The following PCDHGA6 variants were observed in gnomAD, a reference collection of about 807,000 sequenced individuals.
The protein encoded by PCDHGA6 is protocadherin gamma-A6.
PCDHGA6 carries 41 observed loss-of-function variants against 60.6 expected under a neutral mutation model. The ratio of observed to expected loss-of-function variants is 0.68; its 90% confidence interval spans 0.53 to 0.88. The LOEUF (loss-of-function observed/expected upper bound fraction) is 0.88. Ranked by LOEUF, PCDHGA6 falls within the 40% of genes least tolerant of loss-of-function variation. PCDHGA6 has a pLI of 0.00. For missense variants in PCDHGA6, 1,312 were observed against 1,203.0 expected, an observed-to-expected ratio of 1.09 and a Z score of -1.34; for synonymous variants, 594 against 524.4, an observed-to-expected ratio of 1.13 and a Z score of -1.81.
intron 1 of PCDHGA6, chr5:141,413,946 G>A: frequency 6.2e-7 from 1 of 1,613,414 alleles, no homozygotes; most frequent in Non-Finnish European, 8.5e-7. Flanking sequence ...GTGTTCCTGA[G>A]AATTTGCCTG....
Position 141,376,418 on chromosome 5 carries a change from C to G in PCDHGA6, c.2335C>G (p.Leu779Val), listed in dbSNP as rs1354597104. 1 of 1,614,230 alleles carries G rather than the reference C, an allele frequency of 6.2e-7. No homozygotes were observed. The highest frequency in any genetic ancestry group is 1.7e-5 in the Admixed American group (1 of 60,028). The change falls in exon 1 of 4, where the codon CTT becomes GTT. Residue 779 changes from leucine to valine, a missense_variant. By Grantham distance (32) the Leu-to-Val change is conservative (BLOSUM62 1). Transcript: ENST00000517434. ...CCCCCAGCCCAACTATGCCGACACGCTTATCAACCAGGAGAGCTATGAGAA... is the reference window on the plus strand; with the variant it reads ...CCCCCAGCCCAACTATGCCGACACGGTTATCAACCAGGAGAGCTATGAGAA... Reference protein sequence around the residue: ...IFPQPNYADTLINQESYEKSE... With the variant: ...IFPQPNYADTVINQESYEKSE...
intron 1 of PCDHGA6, chr5:141,419,630 G>A (rs1484627772): frequency 6.2e-7 from 1 of 1,612,430 alleles, no homozygotes; most frequent in South Asian, 1.1e-5. Context: ...GGTGACCAAG[G>A]TGGTGGCCGT....
chr5:141,389,749 G>C (rs1361443182), intron 1 of PCDHGA6: 1 of 1,612,740 alleles, frequency 6.2e-7, no homozygotes, highest in South Asian at 1.1e-5. Context: ...CTGCGCACGG[G>C]CGAAGTGCGC....
chr5:141,428,114 C>T (rs2097111703), intron 1 of PCDHGA6: 1 of 1,607,084 alleles, frequency 6.2e-7, no homozygotes, highest in Admixed American at 1.7e-5. Context: ...TGCAGGCCAT[C>T]GAGCCCGGGC....
At chr5:141,420,010 GTC>G in intron 1 of PCDHGA6, 1 of 1,614,088 alleles carries the variant, frequency 6.2e-7, no homozygotes, top group South Asian at 1.1e-5. Context: ...GCCTGCGACA[GTC>G]TTTCAGCCCT....
Position 141,376,220 on chromosome 5 carries a change from G to A in PCDHGA6, c.2137G>A (p.Ala713Thr). The A allele has an allele frequency of 6.2e-7, 1 of 1,614,202 alleles. No individual in the cohort carries two copies. The highest frequency in any genetic ancestry group is 8.5e-7 in the Non-Finnish European group (1 of 1,180,038). ...VFLAFVIVLL[A>T]LRLQRWHKSR... Reference sequence around the variant, plus strand: ...CCTGGCCTTCGTCATCGTGCTGCTGGCGCTCAGACTGCAGCGCTGGCACAA... The same window carrying A: ...CCTGGCCTTCGTCATCGTGCTGCTGACGCTCAGACTGCAGCGCTGGCACAA... Residue 713 changes from alanine to threonine, a missense_variant, in exon 1 of 4, where the codon GCG becomes ACG. Transcript: ENST00000517434.
Position 141,476,472 on chromosome 5 carries a change from T to C in PCDHGA6, c.2425-18335T>C. On this transcript the variant is annotated intron_variant, in intron 1 of 3. Coordinates refer to ENST00000517434, the MANE Select transcript of PCDHGA6 (RefSeq NM_018919.3). The surrounding 1 kb of genome is among the most constrained non-coding windows in gnomAD (Gnocchi z 7.6). The stretch of plus-strand genomic sequence containing the variant: ...GTAGTGGAGAACCCGCTGGAGCTGT[T>C]CAGCGTGGAAGTGGTGATCCAGGAC... 1 of 1,614,098 alleles carries C rather than the reference T, an allele frequency of 6.2e-7. No homozygotes were observed. The highest frequency in any genetic ancestry group is 8.5e-7 in the Non-Finnish European group (1 of 1,180,024).
At chr5:141,409,878 C>T in intron 1 of PCDHGA6, 4 of 1,612,952 alleles carry the variant, frequency 2.5e-6, no homozygotes, top group Middle Eastern at 1.6e-4. Flanking sequence ...AATGACAACG[C>T]ACCGCGGGTG....
At chr5:141,414,587 G>A (rs775783880) in intron 1 of PCDHGA6, 5 of 1,613,828 alleles carry the variant, frequency 3.1e-6, no homozygotes, top group Non-Finnish European at 8.5e-7. Context: ...AACAACGCCA[G>A]GGGTGCCTCC....
chr5:141,459,260 T>G (rs551625614), intron 1 of PCDHGA6, among the ~76,000 whole-genome samples: 1 of 152,344 alleles, frequency 6.6e-6, no homozygotes, highest in South Asian at 2.1e-4. Flanking sequence ...TAAATTAGTG[T>G]TGCCTCTTTC....
chr5:141,387,813 A>T, intron 1 of PCDHGA6: 6 of 1,531,348 alleles, frequency 3.9e-6, no homozygotes, highest in Non-Finnish European at 5.3e-6. Flanking sequence ...GAGATCCAAA[A>T]ATCTGCAATA....
In PCDHGA6 at chr5:141,490,794, C is replaced by G. The variant is rs763933771; in HGVS notation, c.2425-4013C>G. The G allele has an allele frequency of 5.0e-6, 8 of 1,613,976 alleles. No individual in the cohort carries two copies. In the South Asian group the frequency reaches 7.7e-5, roughly 16 times the overall value. ...ACCCAGAGGATGGACGGATCTTTGCCCAGCGTACCTTTGACTATGAATTGC... is the reference window on the plus strand; with the variant it reads ...ACCCAGAGGATGGACGGATCTTTGCGCAGCGTACCTTTGACTATGAATTGC... On this transcript the variant is annotated intron_variant, in intron 1 of 3. Transcript: ENST00000517434. The surrounding 1 kb of genome is among the most constrained non-coding windows in gnomAD (Gnocchi z 5.4).
intron 1 of PCDHGA6, chr5:141,478,871 T>C: frequency 2.4e-6 from 3 of 1,274,796 alleles, no homozygotes; most frequent in Non-Finnish European, 3.1e-6. Flanking sequence ...GCGATCAGAG[T>C]TTAGCTTGGT....
rs551289441 is a variant in PCDHGA6, at chr5:141,444,102, C to T, written c.2425-50705C>T. ...TGAAAAGTCTGCTAAGGATTGGAAACCAAGAAAAGTGAAGTATCTCAACAG... is the reference window on the plus strand; with the variant it reads ...TGAAAAGTCTGCTAAGGATTGGAAATCAAGAAAAGTGAAGTATCTCAACAG... On this transcript the variant is annotated intron_variant, in intron 1 of 3. Coordinates refer to ENST00000517434, the MANE Select transcript of PCDHGA6 (RefSeq NM_018919.3). Among the ~76,000 whole-genome samples the T allele has an allele frequency of 1.5e-3, 216 of 144,128 alleles. 1 individual carries two copies. Among genetic ancestry groups the T allele is most frequent in the African/African-American group, 5.4e-3 (211 of 38,798 alleles). 94.6% of individuals were successfully genotyped at this position (144,128 alleles called of 152,430 possible).
intron 1 of PCDHGA6, chr5:141,414,601 T>A: frequency 6.2e-7 from 1 of 1,613,944 alleles, no homozygotes; most frequent in Non-Finnish European, 8.5e-7. Flanking sequence ...TGCCTCCATC[T>A]TCTCAGTGAC....
chr5:141,496,077 C>G (rs1269618753), intron 2 of PCDHGA6, among the ~76,000 whole-genome samples: 1 of 152,042 alleles, frequency 6.6e-6, no homozygotes, highest in African/African-American at 2.4e-5. Flanking sequence ...CACACACAAC[C>G]CCCCACCCAC....
chr5:141,473,053 TACA>T (rs1452453123), intron 1 of PCDHGA6, among the ~76,000 whole-genome samples: 1 of 150,200 alleles, frequency 6.7e-6, no homozygotes, highest in Non-Finnish European at 1.5e-5. Flanking sequence ...AAAGAAGTGA[TACA>T]ACAAGTTACA....
At chr5:141,411,562 C>A (rs569842846) in intron 1 of PCDHGA6, 1 of 152,054 alleles carries the variant, frequency 6.6e-6, no homozygotes, top group Non-Finnish European at 1.5e-5. Context: ...CCAGCCTGGG[C>A]GACAGAGTGC....
chr5:141,398,832 C>T (rs967769671), intron 1 of PCDHGA6: 3 of 1,614,000 alleles, frequency 1.9e-6, no homozygotes, highest in Non-Finnish European at 1.7e-6. Flanking sequence ...TAACCGACGC[C>T]AATGATAATC....
Sources: allele counts gnomAD v4.1 joint callset (sites outside exome capture counted in the v4.1 genomes callset), GRCh38; gene constraint gnomAD v4.1.1; non-coding constraint Gnocchi (gnomAD v3.1); transcripts MANE v1.5; gene names NCBI Gene and HGNC (gene_info 2026-07-23, HGNC 2026-07-21).